The following FAM228B variants were observed in gnomAD, a reference collection of about 807,000 sequenced individuals.
FAM228B encodes family with sequence similarity 228 member B.
In FAM228B, 38 loss-of-function variants were observed where a neutral mutation model predicts 42.6. The observed-to-expected ratio is 0.89, with a 90% confidence interval of 0.69 to 1.17. FAM228B has a LOEUF of 1.17. FAM228B is among the 50% of genes most tolerant of loss of function. The probability of loss-of-function intolerance (pLI) is 0.00; values close to 1 mark genes in which losing one functional copy is unlikely to be tolerated. For missense variants in FAM228B, 344 were observed against 367.3 expected, an observed-to-expected ratio of 0.94 and a Z score of 0.52; for synonymous variants, 109 against 122.3, an observed-to-expected ratio of 0.89 and a Z score of 0.72.
rs1666917057 is a variant in FAM228B, at chr2:24,147,205, AC to A, written c.686+120del. 2.1e-5 allele frequency: 14 copies of A among 664,978 alleles called. No individual in the cohort carries two copies. In the East Asian group the frequency reaches 4.1e-4, roughly 20 times the overall value. The allele number at this position is 664,978 out of a possible 1,614,324, so 41.2% of individuals were successfully genotyped here. Reference sequence around the variant, plus strand: ...ATTATCATTTTTCTTTTTTTTTGAGACAGAGTCTCACTCTGAAAATTTCATT... The same window carrying A: ...ATTATCATTTTTCTTTTTTTTTGAGAAGAGTCTCACTCTGAAAATTTCATT... On this transcript the variant is annotated intron_variant, in intron 7 of 10. Coordinates refer to ENST00000615575, the MANE Select transcript of FAM228B (RefSeq NM_001145710.2).
upstream of FAM228B, among the ~76,000 whole-genome samples, chr2:24,122,149 T>C (rs977944162): frequency 5.3e-5 from 8 of 152,054 alleles, no homozygotes; most frequent in African/African-American, 1.9e-4. Flanking sequence ...CTGACCAACA[T>C]GGTAAAACAC....
At chr2:24,093,338 C>T (rs12713186) in intron 2 of FAM228B, among the ~76,000 whole-genome samples, 18,006 of 151,090 alleles carry the variant, frequency 0.12, 1,256 homozygotes, top group South Asian at 0.18. Flanking sequence ...TGTGTGATGT[C>T]CCCCTCCGTG....
rs901543057 is a variant in FAM228B, at chr2:24,143,726, ATAT to A, written c.442-3011_442-3009del. Among the ~76,000 whole-genome samples the A allele has an allele frequency of 5.3e-5, 8 of 152,096 alleles. No homozygotes were observed. In the South Asian group the frequency reaches 8.3e-4, roughly 16 times the overall value. ...GAAAGATATGTTAAACATAACAGGCATATTATTATTATTTTAAAATTAATAAGC... is the reference window on the plus strand; with the variant it reads ...GAAAGATATGTTAAACATAACAGGCATATTATTATTTTAAAATTAATAAGC... On this transcript the variant is annotated intron_variant, in intron 5 of 10. Transcript: ENST00000615575.
intron 2 of FAM228B, among the ~76,000 whole-genome samples, chr2:24,131,336 T>A (rs907921172): frequency 6.6e-6 from 1 of 152,234 alleles, no homozygotes; most frequent in Non-Finnish European, 1.5e-5. Context: ...CATATAAAAT[T>A]TGAAGTAGTT....
chr2:24,124,190 G>C lies in FAM228B; in HGVS notation c.-32-140G>C, dbSNP rs577528170. The C allele has an allele frequency of 5.0e-4, 272 of 547,512 alleles. 1 individual carries two copies. The South Asian group carries it at 6.5e-3, about 13-fold the overall frequency. The allele number at this position is 547,512 out of a possible 1,614,324, so 33.9% of individuals were successfully genotyped here. Reference sequence around the variant, plus strand: ...CTGAAGCCGTCATCTGGAGTCTGTAGTGAAGGCCTCTTGTTAGGGAAACTG... The same window carrying C: ...CTGAAGCCGTCATCTGGAGTCTGTACTGAAGGCCTCTTGTTAGGGAAACTG... On this transcript the variant is annotated intron_variant, in intron 1 of 10. Transcript: ENST00000615575.
At chr2:24,089,988 A>AAC (rs1553325889) in intron 2 of FAM228B, among the ~76,000 whole-genome samples, 1 of 150,386 alleles carries the variant, frequency 6.6e-6, no homozygotes, top group African/African-American at 2.4e-5. Flanking sequence ...AAAAAAAAAA[A>AAC]AAACGCCGGG....
At chr2:24,123,118 C>T (rs1666175345), upstream of FAM228B, 1 of 152,444 alleles carries the variant, frequency 6.6e-6, no homozygotes, top group African/African-American at 2.4e-5. Context: ...TCATCAGGAC[C>T]TCCGGCACAG....
intron 3 of FAM228B, among the ~76,000 whole-genome samples, chr2:24,106,316 CTTTTTT>C (rs386389714): frequency 9.4e-6 from 1 of 106,394 alleles, no homozygotes; most frequent in South Asian, 3.4e-4. Context: ...ATTCAGCATT[CTTTTTT>C]TTTTTTTTTT....
chr2:24,164,425 C>A, intron 9 of FAM228B, 90 bp downstream of exon 9: 1 of 1,360,488 alleles, frequency 7.4e-7, no homozygotes, highest in Non-Finnish European at 9.8e-7. Context: ...CTTTGTATGG[C>A]AGGCTTCCAG....
intron 3 of FAM228B, among the ~76,000 whole-genome samples, chr2:24,114,264 G>T (rs1665848653): frequency 6.6e-6 from 1 of 152,174 alleles, no homozygotes; most frequent in African/African-American, 2.4e-5. Context: ...GGGACAAAAA[G>T]AACATGAAAG....
At position 24,082,429 on chromosome 2, in the gene FAM228B, TC is replaced by T. The variant is rs80206741; in HGVS notation, c.-210+1475del. Among the ~76,000 whole-genome samples the T allele has an allele frequency of 5.9e-4, 90 of 152,344 alleles. No individual in the cohort carries two copies. The East Asian group carries it at 0.017, about 28-fold the overall frequency. The stretch of plus-strand genomic sequence containing the variant: ...CTTCTATCATAGACAGGGCTATCCT[TC>T]TAAACTCTATGGTCATCTGATCTTA... On this transcript the variant is annotated intron_variant, in intron 2 of 10. Transcript: ENST00000613899.
chr2:24,152,397 A>G (rs562207284), intron 7 of FAM228B, among the ~76,000 whole-genome samples: 2 of 152,322 alleles, frequency 1.3e-5, no homozygotes, highest in African/African-American at 4.8e-5. Context: ...ATAGATATTC[A>G]TCAGTGTCTG....
At chr2:24,122,237 C>T (rs1012260022), upstream of FAM228B, among the ~76,000 whole-genome samples, 3 of 151,444 alleles carry the variant, frequency 2.0e-5, no homozygotes, top group Non-Finnish European at 4.4e-5. Flanking sequence ...GAGGCTAAGG[C>T]TCAAGAATCG....
chr2:24,126,633 CAG>C (rs1462500692), intron 2 of FAM228B, among the ~76,000 whole-genome samples: 2 of 144,752 alleles, frequency 1.4e-5, no homozygotes, highest in East Asian at 4.0e-4. Context: ...TTTTTTGAGA[CAG>C]AGTCTTGCTC....
Position 24,080,734 on chromosome 2 carries a change from C to T in FAM228B, c.-289-142C>T, listed in dbSNP as rs1164392637. ...GCACTTAGCAGAGGTAAGACTGATA[C>T]ACAGCACTGGCAACTTTGAGACTGG... On this transcript the variant is annotated intron_variant, in intron 1 of 10. Coordinates refer to the FAM228B transcript ENST00000613899. This position sits in a 1 kb window ranked among gnomAD's most constrained non-coding sequence, Gnocchi z 4.7. 1 of 1,546,554 alleles carries T rather than the reference C, an allele frequency of 6.5e-7. No homozygotes were observed. Among genetic ancestry groups the T allele is most frequent in the South Asian group, 1.1e-5 (1 of 87,184 alleles).
intron 3 of FAM228B, among the ~76,000 whole-genome samples, chr2:24,106,956 A>G (rs1665711037): frequency 6.6e-6 from 1 of 152,190 alleles, no homozygotes; most frequent in South Asian, 2.1e-4. Flanking sequence ...AATCAGCTAA[A>G]TACCTCAATC....
chr2:24,080,801 G>T lies in FAM228B; in HGVS notation c.-289-75G>T, dbSNP rs561085987. 2.0e-5 allele frequency: 32 copies of T among 1,613,798 alleles called. No individual in the cohort carries two copies. The East Asian group carries it at 6.9e-4, about 35-fold the overall frequency. On this transcript the variant is annotated intron_variant, in intron 1 of 10. Transcript: ENST00000613899. The surrounding 1 kb of genome is among the most constrained non-coding windows in gnomAD (Gnocchi z 4.7). Reference sequence around the variant, plus strand: ...TCATCTCTTAAATTCCTGCTGAACTGTAGAAGCAGTTGTTTACCTTTGGTG... The same window carrying T: ...TCATCTCTTAAATTCCTGCTGAACTTTAGAAGCAGTTGTTTACCTTTGGTG...
At chr2:24,124,853 T>C (rs943950424) in intron 2 of FAM228B, among the ~76,000 whole-genome samples, 34 of 152,286 alleles carry the variant, frequency 2.2e-4, no homozygotes, top group African/African-American at 6.0e-4. Flanking sequence ...CGCCACCATG[T>C]CTGGCTAATT....
chr2:24,093,536 T>A (rs555622321), intron 2 of FAM228B, among the ~76,000 whole-genome samples: 1 of 152,360 alleles, frequency 6.6e-6, no homozygotes, highest in East Asian at 1.9e-4. Context: ...CATATTTTCT[T>A]TATCCACTCT....
Sources: allele counts gnomAD v4.1 joint callset (sites outside exome capture counted in the v4.1 genomes callset), GRCh38; gene constraint gnomAD v4.1.1; non-coding constraint Gnocchi (gnomAD v3.1); transcripts MANE v1.5; gene names NCBI Gene and HGNC (gene_info 2026-07-23, HGNC 2026-07-21).